MAGI2: variants seen among roughly 807,000 people sequenced by gnomAD.
The protein encoded by MAGI2 is membrane associated guanylate kinase, WW and PDZ domain containing 2, also known as membrane-associated guanylate kinase, WW and PDZ domain-containing protein 2.
In MAGI2, 35 loss-of-function variants were observed where a neutral mutation model predicts 133.3. The observed-to-expected ratio is 0.26, with a 90% confidence interval of 0.20 to 0.35. MAGI2 has a LOEUF of 0.35. Among genes scored for constraint, MAGI2 ranks in the 10% least tolerant of loss-of-function variants. The pLI is 1.00. For synonymous variants in MAGI2, 729 were observed against 710.6 expected, an observed-to-expected ratio of 1.03 and a Z score of -0.41; for missense variants, 1,636 against 1,863.4, an observed-to-expected ratio of 0.88 and a Z score of 2.25.
At chr7:78,346,314 T>C (rs1382122163) in intron 7 of MAGI2, among the ~76,000 whole-genome samples, 1 of 152,244 alleles carries the variant, frequency 6.6e-6, no homozygotes, top group Non-Finnish European at 1.5e-5. Flanking sequence ...GTGCACTTGC[T>C]TTCTGGTCTA....
Position 78,991,022 on chromosome 7 carries a change from G to A in MAGI2, c.418+16068C>T, listed in dbSNP as rs11984232. 4.1e-3 allele frequency among the ~76,000 whole-genome samples: 613 copies of A among 151,040 alleles called. 3 individuals are homozygous for A. Among genetic ancestry groups the A allele is most frequent in the African/African-American group, 0.014 (576 of 41,222 alleles). ...CCATGTGTCGAGGGAGGGATTTGGT[G>A]GGGGGTGATTAGATCATGGGGGCAG... is the stretch of plus-strand genomic sequence containing the variant. On this transcript the variant is annotated intron_variant, in intron 2 of 21. Coordinates refer to ENST00000354212, the MANE Select transcript of MAGI2 (RefSeq NM_012301.4).
At chr7:79,263,016 T>C (rs1283149449) in intron 1 of MAGI2, among the ~76,000 whole-genome samples, 1 of 152,210 alleles carries the variant, frequency 6.6e-6, no homozygotes, top group Non-Finnish European at 1.5e-5. Context: ...TGTGCTTGGC[T>C]TATATATCAT....
At position 78,018,553 on chromosome 7, in the gene MAGI2, C is replaced by G. The variant is rs1236813281; in HGVS notation, c.*762G>C. The G allele has an allele frequency of 6.6e-6, 1 of 152,160 alleles. No homozygotes were observed. The highest frequency in any genetic ancestry group is 2.4e-5 in the African/African-American group (1 of 41,436). 9.4% of individuals were successfully genotyped at this position (152,160 alleles called of 1,614,324 possible). ...TATGAGCTAAACTGCAAAATTCTGA[C>G]TTATGGCAAACTGTTCCCTAGGATA... On this transcript the variant is annotated 3_prime_UTR_variant, in exon 22 of 22. Coordinates refer to ENST00000354212, the MANE Select transcript of MAGI2 (RefSeq NM_012301.4).
At chr7:78,391,021 A>G (rs1408184932) in intron 6 of MAGI2, among the ~76,000 whole-genome samples, 1 of 152,168 alleles carries the variant, frequency 6.6e-6, no homozygotes, top group East Asian at 1.9e-4. Context: ...TTTTCTTAGG[A>G]TTCCTAAAGT....
At chr7:78,024,666 C>T (rs1412325233) in intron 21 of MAGI2, among the ~76,000 whole-genome samples, 1 of 152,234 alleles carries the variant, frequency 6.6e-6, no homozygotes, top group African/African-American at 2.4e-5. Context: ...AGGATGCAAC[C>T]AATGTGGGCT....
intron 1 of MAGI2, among the ~76,000 whole-genome samples, chr7:79,168,493 A>G (rs1404155712): frequency 6.6e-6 from 1 of 152,200 alleles, no homozygotes; most frequent in Non-Finnish European, 1.5e-5. Context: ...TTGTCCCTGA[A>G]AGGTCTTTAG....
rs550084395 is a variant in MAGI2 at position 78,730,788 on chromosome 7, A to G, written c.419-103549T>C. Among the ~76,000 whole-genome samples, 3 of 152,280 alleles carry G rather than the reference A, an allele frequency of 2.0e-5. No homozygotes were observed. In the East Asian group the frequency reaches 5.8e-4, roughly 29 times the overall value. ...AGATATATTATATACTTAAATATGC[A>G]GAAATGATCAGCTAAGGACCTGAAG... On this transcript the variant is annotated intron_variant, in intron 2 of 21. Transcript: ENST00000354212.
chr7:79,421,055 G>C (rs954167157), intron 1 of MAGI2, among the ~76,000 whole-genome samples: 3 of 152,056 alleles, frequency 2.0e-5, no homozygotes, highest in African/African-American at 4.8e-5. Context: ...AGAACAAAAT[G>C]TAACAACACC....
chr7:78,526,934 G>T (rs1278036377), intron 3 of MAGI2, among the ~76,000 whole-genome samples: 6 of 145,998 alleles, frequency 4.1e-5, no homozygotes, highest in Non-Finnish European at 3.0e-5. Flanking sequence ...CTTGAACCTG[G>T]GAGGCAGAGG....
intron 2 of MAGI2, among the ~76,000 whole-genome samples, chr7:78,888,145 C>A (rs1338696032): frequency 6.6e-6 from 1 of 152,200 alleles, no homozygotes; most frequent in Non-Finnish European, 1.5e-5. Flanking sequence ...GCACAGAAAT[C>A]TGAGATCAAA....
chr7:79,227,240 A>G (rs970485757), intron 1 of MAGI2, among the ~76,000 whole-genome samples: 3 of 152,220 alleles, frequency 2.0e-5, no homozygotes, highest in Non-Finnish European at 4.4e-5. Context: ...TAAACTTAAA[A>G]AATGAATGCA....
chr7:78,631,906 T>TA (rs1472016155), intron 2 of MAGI2, among the ~76,000 whole-genome samples: 1 of 152,250 alleles, frequency 6.6e-6, no homozygotes, highest in African/African-American at 2.4e-5. Flanking sequence ...TCCACCTCTG[T>TA]AAACTCTAGT....
At chr7:78,809,156 A>G (rs1244000448) in intron 2 of MAGI2, among the ~76,000 whole-genome samples, 1 of 152,194 alleles carries the variant, frequency 6.6e-6, no homozygotes, top group African/African-American at 2.4e-5. Context: ...ATAACACTGG[A>G]TCTGGTCACA....
chr7:78,262,558 A>G (rs934691216), intron 9 of MAGI2, among the ~76,000 whole-genome samples: 2 of 152,164 alleles, frequency 1.3e-5, no homozygotes, highest in Admixed American at 1.3e-4. Context: ...TGAGGCTCTC[A>G]GAGCACTGAC....
At chr7:79,178,541 G>A (rs536843950) in intron 1 of MAGI2, among the ~76,000 whole-genome samples, 4 of 151,776 alleles carry the variant, frequency 2.6e-5, no homozygotes, top group South Asian at 2.1e-4. Flanking sequence ...GTGAAACCCC[G>A]CCTCTACTGA....
intron 3 of MAGI2, among the ~76,000 whole-genome samples, chr7:78,546,978 T>C (rs1049694000): frequency 2.6e-5 from 4 of 152,220 alleles, no homozygotes; most frequent in African/African-American, 9.7e-5. Context: ...ACAAAGGGCA[T>C]AGTCTCTGCC....
rs555155910 is a variant in MAGI2 at position 79,214,411 on chromosome 7, A to C, written c.302-207205T>G. On this transcript the variant is annotated intron_variant, in intron 1 of 21. Coordinates refer to ENST00000354212, the MANE Select transcript of MAGI2 (RefSeq NM_012301.4). The stretch of plus-strand genomic sequence containing the variant: ...TCTCTCTCTCTCTCTCTCTCTCTAT[A>C]TATATATATATATATATATATATAT... Among the ~76,000 whole-genome samples, 562 of 74,474 alleles carry C rather than the reference A, an allele frequency of 7.5e-3. 1 individual carries two copies. The highest frequency in any genetic ancestry group is 0.011 in the East Asian group (27 of 2,372). 48.9% of individuals were successfully genotyped at this position (74,474 alleles called of 152,430 possible).
At chr7:78,655,192 T>C (rs565083331) in intron 2 of MAGI2, among the ~76,000 whole-genome samples, 3 of 152,018 alleles carry the variant, frequency 2.0e-5, no homozygotes, top group African/African-American at 7.2e-5. Context: ...AAAAAAGTGA[T>C]AGTATTACTA....
intron 7 of MAGI2, among the ~76,000 whole-genome samples, chr7:78,363,713 A>G (rs1793087269): frequency 6.6e-6 from 1 of 152,090 alleles, no homozygotes. Context: ...ATTGGTATAT[A>G]CAAGATTAAA....
Sources: allele counts gnomAD v4.1 joint callset (sites outside exome capture counted in the v4.1 genomes callset), GRCh38; gene constraint gnomAD v4.1.1; transcripts MANE v1.5; gene names NCBI Gene and HGNC (gene_info 2026-07-23, HGNC 2026-07-21).